GRK4: variants seen among roughly 807,000 people sequenced by gnomAD.
The protein encoded by GRK4 is G protein-coupled receptor kinase 2-like.
A neutral mutation model predicts 77.9 loss-of-function variants in GRK4; 73 were observed. The ratio of observed to expected loss-of-function variants is 0.94; its 90% CI spans 0.78 to 1.14. The LOEUF is 1.14. Among genes scored for constraint, GRK4 ranks in the 50% most tolerant of loss-of-function variants. The probability of loss-of-function intolerance (pLI) is 0.00; values close to 1 mark genes in which losing one functional copy is unlikely to be tolerated. For synonymous variants in GRK4, 257 were observed against 254.4 expected (o/e 1.01, Z -0.10); for missense variants, 729 against 700.2 (o/e 1.04, Z -0.46).
At chr4:3,000,847 C>T (rs1042663235) in intron 4 of GRK4, among the ~76,000 whole-genome samples, 1 of 151,926 alleles carries the variant, frequency 6.6e-6, no homozygotes, top group African/African-American at 2.4e-5. Flanking sequence ...GGATTACAGG[C>T]GTGAGCCACG....
At chr4:3,025,565 A>AT (rs1215071876) in intron 10 of GRK4, among the ~76,000 whole-genome samples, 1 of 149,380 alleles carries the variant, frequency 6.7e-6, no homozygotes, top group East Asian at 2.0e-4. Context: ...AATTTTTTAT[A>AT]TTTTTTTTAG....
chr4:3,007,572 A>G (rs1213051165), intron 5 of GRK4, among the ~76,000 whole-genome samples, 164 bp from the exon 6 acceptor site: 1 of 152,218 alleles, frequency 6.6e-6, no homozygotes, highest in Non-Finnish European at 1.5e-5. Context: ...TTTCACTTAT[A>G]GCGTTAGAAC....
At chr4:2,965,432 T>C (rs1021692215) in intron 1 of GRK4, 17 of 702,950 alleles carry the variant, frequency 2.4e-5, no homozygotes, top group Non-Finnish European at 4.4e-5. Flanking sequence ...CCGTCACTCT[T>C]ACGGAATTGC....
intron 8 of GRK4, among the ~76,000 whole-genome samples, chr4:3,014,809 G>A (rs368083801): frequency 6.6e-6 from 1 of 151,896 alleles, no homozygotes; most frequent in Non-Finnish European, 1.5e-5. Flanking sequence ...AAAAAAGAGA[G>A]AGAGATGAGA....
rs1316502171 is a variant in GRK4, at chr4:3,040,655, C to G, written c.*30C>G. 2 of 1,596,812 alleles carry G rather than the reference C, an allele frequency of 1.3e-6. No individual in the cohort carries two copies. The highest frequency in any genetic ancestry group is 2.2e-5 in the East Asian group (1 of 44,618). The stretch of plus-strand genomic sequence containing the variant: ...CCCGGTGCGGACCACAGAGCAGACC[C>G]TGGCGCCAGGAAGGAGCATGTGTTA... On this transcript the variant is annotated 3_prime_UTR_variant, in exon 16 of 16. Coordinates refer to ENST00000398052, the MANE Select transcript of GRK4 (RefSeq NM_182982.3).
intron 9 of GRK4, among the ~76,000 whole-genome samples, chr4:3,020,124 C>T (rs568164016): frequency 6.6e-6 from 1 of 152,220 alleles, no homozygotes; most frequent in East Asian, 1.9e-4. Context: ...CTGCCTCAGA[C>T]TCCCAAGTAG....
chr4:3,014,050 C>T (rs1733711022), intron 8 of GRK4, among the ~76,000 whole-genome samples: 1 of 152,172 alleles, frequency 6.6e-6, no homozygotes, highest in Non-Finnish European at 1.5e-5. Context: ...GATACTGCTT[C>T]TAACTTCTGG....
At position 2,995,924 on chromosome 4, in the gene GRK4, G is replaced by A. The variant is rs535437412; in HGVS notation, c.339+3632G>A. On this transcript the variant is annotated intron_variant, in intron 4 of 15. Coordinates refer to ENST00000398052, the MANE Select transcript of GRK4 (RefSeq NM_182982.3). Reference sequence around the variant, plus strand: ...GTGAGAATATAAGTTATGGTGTCCAGTATATGGCATTTATGGATACTTGGC... The same window carrying A: ...GTGAGAATATAAGTTATGGTGTCCAATATATGGCATTTATGGATACTTGGC... Among the ~76,000 whole-genome samples, 106 of 152,318 alleles carry A rather than the reference G, an allele frequency of 7.0e-4. 1 individual carries two copies. The highest frequency in any genetic ancestry group is 2.3e-3 in the African/African-American group (95 of 41,580).
At chr4:2,971,994 C>T (rs1047902661) in intron 1 of GRK4, among the ~76,000 whole-genome samples, 8 of 152,216 alleles carry the variant, frequency 5.3e-5, no homozygotes, top group African/African-American at 1.9e-4. Context: ...CAAATAAGAT[C>T]ACTGTCTGAG....
chr4:3,035,626 G>A (rs1055392926), intron 13 of GRK4, 103 bp downstream of exon 13: 14 of 1,343,870 alleles, frequency 1.0e-5, no homozygotes, highest in Non-Finnish European at 5.1e-6. Flanking sequence ...GTCTCACTGT[G>A]TTGCCCAGGC....
intron 1 of GRK4, among the ~76,000 whole-genome samples, chr4:2,975,204 G>GA (rs1375800115): frequency 2.0e-5 from 3 of 152,176 alleles, no homozygotes; most frequent in African/African-American, 7.2e-5. Context: ...TTGGGAGGCT[G>GA]AGGCAGGAGA....
At chr4:2,974,060 G>T (rs1359121350) in intron 1 of GRK4, among the ~76,000 whole-genome samples, 1 of 152,122 alleles carries the variant, frequency 6.6e-6, no homozygotes, top group Non-Finnish European at 1.5e-5. Flanking sequence ...ATGTTGCCCA[G>T]GCTGGCCTCG....
At chr4:3,040,380 G>T (rs150497847) in intron 15 of GRK4, among the ~76,000 whole-genome samples, 192 bp from the exon 16 acceptor site, 104 of 152,274 alleles carry the variant, frequency 6.8e-4, no homozygotes, top group African/African-American at 2.2e-3. Context: ...GGTGGAGGTT[G>T]TAGTGATCTG....
intron 5 of GRK4, among the ~76,000 whole-genome samples, chr4:3,006,340 A>G (rs1274930321): frequency 6.6e-6 from 1 of 150,874 alleles, no homozygotes; most frequent in Non-Finnish European, 1.5e-5. Flanking sequence ...AGATCACGCC[A>G]TTGCACTCCA....
At chr4:3,040,541 G>A (rs368017713) in intron 15 of GRK4, 31 bp from the exon 16 acceptor site, 25 of 1,593,494 alleles carry the variant, frequency 1.6e-5, no homozygotes, top group African/African-American at 8.0e-5. Flanking sequence ...CGCATCAGCC[G>A]TGTGCCTGAG....
intron 4 of GRK4, among the ~76,000 whole-genome samples, chr4:2,997,243 T>C (rs1030958373): frequency 6.6e-6 from 1 of 152,200 alleles, no homozygotes; most frequent in African/African-American, 2.4e-5. Flanking sequence ...CAAGTGGGCT[T>C]TTCCCTAGGG....
chr4:3,031,569 G>T (rs1739189976), intron 12 of GRK4, among the ~76,000 whole-genome samples: 1 of 152,206 alleles, frequency 6.6e-6, no homozygotes, highest in African/African-American at 2.4e-5. Context: ...GACAGACCAT[G>T]GGCTCGACGC....
intron 1 of GRK4, chr4:2,969,236 T>C (rs368287492): frequency 3.3e-4 from 50 of 152,288 alleles, no homozygotes; most frequent in African/African-American, 1.1e-3. Context: ...CTGAGGAAAT[T>C]AAAAGACTGC....
At chr4:3,036,933 G>A (rs773013344) in intron 13 of GRK4, among the ~76,000 whole-genome samples, 45 of 152,290 alleles carry the variant, frequency 3.0e-4, no homozygotes, top group African/African-American at 3.9e-4. Flanking sequence ...ACACTTCTCC[G>A]GTTCTGTGCT....
Sources: allele counts gnomAD v4.1 joint callset (sites outside exome capture counted in the v4.1 genomes callset), GRCh38; gene constraint gnomAD v4.1.1; transcripts MANE v1.5; gene names NCBI Gene and HGNC (gene_info 2026-07-23, HGNC 2026-07-21).